Variants in DNAAF1 observed in about 807,000 individuals in gnomAD.
DNAAF1 encodes the protein dynein axonemal assembly factor 1, also known as dynein assembly factor 1, axonemal.
DNAAF1 carries 65 observed loss-of-function variants against 71.1 expected under a neutral mutation model. The observed-to-expected ratio is 0.91, with a 90% CI of 0.75 to 1.12. The LOEUF is 1.12. DNAAF1 is among the 50% of genes most tolerant of loss of function. DNAAF1 has a pLI of 0.00. For missense variants in DNAAF1, 1,178 were observed against 899.8 expected (o/e 1.31, Z -3.96); for synonymous variants, 414 against 354.6 (o/e 1.17, Z -1.88).
chr16:84,176,393 C>G, intron 11 of DNAAF1, 94 bp downstream of exon 11: 1 of 1,581,178 alleles, frequency 6.3e-7, no homozygotes, highest in Non-Finnish European at 8.6e-7. Context: ...TTACCCTGAG[C>G]TTTCATGTTG....
In DNAAF1 at chr16:84,168,858, T is replaced by A. The variant is rs955710420; in HGVS notation, c.1031-1001T>A. Among the ~76,000 whole-genome samples the A allele has an allele frequency of 8.4e-4, 29 of 34,372 alleles. No homozygotes were observed. The East Asian group carries it at 0.042, about 49-fold the overall frequency. The allele number at this position is 34,372 out of a possible 152,430, so 22.5% of individuals were successfully genotyped here. The stretch of plus-strand genomic sequence containing the variant: ...CACACACACACACACACACACACAC[T>A]TTGCTTTTCCCCTGAACCATTTGAA... On this transcript the variant is annotated intron_variant, in intron 7 of 11. Coordinates refer to ENST00000378553, the MANE Select transcript of DNAAF1 (RefSeq NM_178452.6).
At chr16:84,162,595 C>T (rs545708871) in intron 6 of DNAAF1, among the ~76,000 whole-genome samples, 154 of 151,790 alleles carry the variant, frequency 1.0e-3, no homozygotes, top group African/African-American at 3.4e-3. Flanking sequence ...CGGGGGCGGG[C>T]AGATCACCAG....
intron 5 of DNAAF1, among the ~76,000 whole-genome samples, chr16:84,157,781 T>A (rs1290273741): frequency 3.9e-5 from 6 of 152,196 alleles, no homozygotes; most frequent in Admixed American, 3.9e-4. Flanking sequence ...TAGTGTGTAC[T>A]ATCAAAAGAC....
rs1434319831 is a variant in DNAAF1 at position 84,145,337 on chromosome 16, A to G, written c.-104A>G. 3 of 1,521,746 alleles carry G rather than the reference A, an allele frequency of 2.0e-6. No individual in the cohort carries two copies. The highest frequency in any genetic ancestry group is 1.4e-5 in the African/African-American group (1 of 72,420). 94.3% of individuals were successfully genotyped at this position (1,521,746 alleles called of 1,614,324 possible). On this transcript the variant is annotated 5_prime_UTR_variant, in exon 1 of 12. Transcript: ENST00000378553. Reference sequence around the variant, plus strand: ...AGACTAGGGCGCCAGCGGCTGGCGAAGAAGGAAAGAGGGTACTCTCTGGCT... The same window carrying G: ...AGACTAGGGCGCCAGCGGCTGGCGAGGAAGGAAAGAGGGTACTCTCTGGCT...
Position 84,166,544 on chromosome 16 carries a change from A to C in DNAAF1, c.1030+595A>C, listed in dbSNP as rs578012098. ...CCACCATGCTTAGCTAATTAAAAAAAAGAATTTCTGTAGAGATGGGGTCTT... is the reference window on the plus strand; with the variant it reads ...CCACCATGCTTAGCTAATTAAAAAACAGAATTTCTGTAGAGATGGGGTCTT... On this transcript the variant is annotated intron_variant, in intron 7 of 11. Transcript: ENST00000378553. 1.1e-4 allele frequency among the ~76,000 whole-genome samples: 16 copies of C among 151,570 alleles called. No individual in the cohort carries two copies. The East Asian group carries it at 3.1e-3, about 30-fold the overall frequency.
In DNAAF1 at chr16:84,150,254, G is replaced by A; in HGVS notation, c.264G>A (p.Met88Ile). ...REDREDRGPRMTKSSLQKLCK... is the reference protein window; with the variant it reads ...REDREDRGPRITKSSLQKLCK... ...TCATATTTTTCCATTTTAACAGAAT[G>A]ACTAAAAGTTCCCTGCAAAAACTCT... The change falls in exon 3 of 12, where the codon ATG becomes ATA. Residue 88 changes from methionine (M) to isoleucine (I), a missense_variant. By Grantham distance (10) the Met-to-Ile change is conservative. Transcript: ENST00000378553. 6.2e-7 allele frequency: 1 copy of A among 1,611,090 alleles called. No individual in the cohort carries two copies. Among genetic ancestry groups the A allele is most frequent in the Non-Finnish European group, 8.5e-7 (1 of 1,177,268 alleles).
chr16:84,159,900 A>T, intron 6 of DNAAF1, 104 bp downstream of exon 6: 2 of 1,396,838 alleles, frequency 1.4e-6, no homozygotes, highest in Non-Finnish European at 9.9e-7. Flanking sequence ...TTCACATATC[A>T]AAAATGTTCT....
Position 84,175,942 on chromosome 16 carries a change from T to C in DNAAF1, c.1708T>C (p.Phe570Leu). Reference sequence around the variant, plus strand: ...TTTCTTCTGTAAATAGAATATGTGCTTTCCGAAGATTGAGGTCATCTCGAG... The same window carrying C: ...TTTCTTCTGTAAATAGAATATGTGCCTTCCGAAGATTGAGGTCATCTCGAG... The part of the protein sequence containing the change: ...GKSLEDQNMC[F>L]PKIEVISSLS... Residue 570 changes from phenylalanine (F) to leucine (L), a missense_variant, in exon 11 of 12, where the codon TTT (phenylalanine) becomes CTT (leucine). By Grantham distance (22) the Phe-to-Leu change is conservative. Coordinates refer to ENST00000378553, the MANE Select transcript of DNAAF1 (RefSeq NM_178452.6). 6.2e-7 allele frequency: 1 copy of C among 1,614,190 alleles called. No individual in the cohort carries two copies. The highest frequency in any genetic ancestry group is 8.5e-7 in the Non-Finnish European group (1 of 1,180,034).
Position 84,169,900 on chromosome 16 carries a change from A to G in DNAAF1, c.1072A>G (p.Ser358Gly), listed in dbSNP as rs751146013. 3.1e-6 allele frequency: 5 copies of G among 1,614,120 alleles called. No individual in the cohort carries two copies. The highest frequency in any genetic ancestry group is 4.2e-6 in the Non-Finnish European group (5 of 1,180,052). ...SSDDGENVPA[S>G]AEGKEEPPGD... ...AGATGATGGTGAGAATGTGCCCGCC[A>G]GTGCGGAAGGCAAGGAGGAGCCTCC... The change falls in exon 8 of 12, where the codon AGT becomes GGT. Residue 358 changes from serine to glycine, a missense_variant. Transcript: ENST00000378553.
chr16:84,168,775 C>A (rs943640164), intron 7 of DNAAF1, among the ~76,000 whole-genome samples: 4 of 150,620 alleles, frequency 2.7e-5, no homozygotes, highest in Admixed American at 6.6e-5. Context: ...TGTATGTCTG[C>A]ATTTATTAAT....
chr16:84,167,530 G>A (rs1474240571), intron 7 of DNAAF1, among the ~76,000 whole-genome samples: 2 of 152,136 alleles, frequency 1.3e-5, no homozygotes, highest in Non-Finnish European at 2.9e-5. Context: ...AACAAAAGAT[G>A]TGCCTGTCAC....
intron 9 of DNAAF1, chr16:84,173,024 G>C (rs2088449113): frequency 2.0e-6 from 2 of 990,964 alleles, no homozygotes; most frequent in Non-Finnish European, 2.4e-6. Flanking sequence ...ACTGTCCTTT[G>C]ATGGGGCACG....
Position 84,155,696 on chromosome 16 carries a change from A to G in DNAAF1, c.688A>G (p.Asn230Asp). ...GCTTTGTGTCCTTGACCTTTCGCACAACAAGCTGAGTGACCCGGAGATCCT... is the reference window on the plus strand; with the variant it reads ...GCTTTGTGTCCTTGACCTTTCGCACGACAAGCTGAGTGACCCGGAGATCCT... ...LRLCVLDLSHNKLSDPEILSI... is the reference protein window; with the variant it reads ...LRLCVLDLSHDKLSDPEILSI... Residue 230 changes from asparagine to aspartate, a missense_variant, in exon 5 of 12, where the codon AAC (asparagine) becomes GAC (aspartate). Physicochemically the swap from Asn to Asp is conservative, Grantham distance 23. Transcript: ENST00000378553. The G allele has an allele frequency of 1.2e-6, 2 of 1,614,204 alleles. No homozygotes were observed. The highest frequency in any genetic ancestry group is 1.7e-6 in the Non-Finnish European group (2 of 1,180,040).
intron 2 of DNAAF1, among the ~76,000 whole-genome samples, chr16:84,149,347 C>T (rs180713651): frequency 1.3e-4 from 20 of 152,286 alleles, no homozygotes; most frequent in African/African-American, 4.3e-4. Flanking sequence ...CAGAGAGGAA[C>T]AGCAGTAGTT....
rs1170495681 is a variant in DNAAF1 at position 84,177,054 on chromosome 16, T to A, written c.2066-675T>A. On this transcript the variant is annotated intron_variant, in intron 11 of 11. Coordinates refer to ENST00000378553, the MANE Select transcript of DNAAF1 (RefSeq NM_178452.6). ...GGGCTGTGTGGAGCCCAGACCGTGCTACTCTCATCCAGCACGCATCGGTGG... is the reference window on the plus strand; with the variant it reads ...GGGCTGTGTGGAGCCCAGACCGTGCAACTCTCATCCAGCACGCATCGGTGG... The A allele has an allele frequency of 2.3e-5, 4 of 173,092 alleles. No homozygotes were observed. In the East Asian group the frequency reaches 6.0e-4, roughly 26 times the overall value. 10.7% of individuals were successfully genotyped at this position (173,092 alleles called of 1,614,324 possible). A position where few individuals can be genotyped will look rare whatever the true frequency, so the allele number is the denominator to read the frequency against.
At position 84,176,489 on chromosome 16, in the gene DNAAF1, TAGCCAGCCTGGGCCAGGAAGCCACCG is replaced by T. The variant is rs66573559; in HGVS notation, c.2065+200_2065+225del. Reference sequence around the variant, plus strand: ...CGGGTCTGAAGCTGCCACTTGCTGGTAGCCAGCCTGGGCCAGGAAGCCACCGAGCCAGCCTCCTCTTGGGCAGCCGA... The same window carrying T: ...CGGGTCTGAAGCTGCCACTTGCTGGTAGCCAGCCTCCTCTTGGGCAGCCGA... On this transcript the variant is annotated intron_variant, in intron 11 of 11. Transcript: ENST00000378553. 8,309 of 915,628 alleles carry T rather than the reference TAGCCAGCCTGGGCCAGGAAGCCACCG, an allele frequency of 9.1e-3. 60 individuals are homozygous for T. The highest frequency in any genetic ancestry group is 0.023 in the Middle Eastern group (68 of 2,952). 56.7% of individuals were successfully genotyped at this position (915,628 alleles called of 1,614,324 possible).
chr16:84,176,477 G>A, intron 11 of DNAAF1, 178 bp downstream of exon 11: 1 of 998,854 alleles, frequency 1.0e-6, no homozygotes, highest in Non-Finnish European at 1.5e-6. Flanking sequence ...GTCTGAAGCT[G>A]CCACTTGCTG....
chr16:84,151,909 C>T (rs114202379), intron 3 of DNAAF1, among the ~76,000 whole-genome samples: 1 of 152,180 alleles, frequency 6.6e-6, no homozygotes, highest in Non-Finnish European at 1.5e-5. Flanking sequence ...GGAAGCAAGG[C>T]CAAGACAAAA....
At chr16:84,151,449 T>C (rs553053206) in intron 3 of DNAAF1, among the ~76,000 whole-genome samples, 2 of 152,242 alleles carry the variant, frequency 1.3e-5, no homozygotes, top group South Asian at 2.1e-4. Flanking sequence ...CATCTAAGCA[T>C]AGCAGTGAGT....
Sources: gnomAD v4.1 joint callset for allele counts (sites outside exome capture counted in the v4.1 genomes callset) on GRCh38, gnomAD v4.1.1 for gene constraint, MANE v1.5 for transcripts, NCBI Gene and HGNC (gene_info 2026-07-23, HGNC 2026-07-21) for gene names.